The following GALNT16 variants were observed in gnomAD, a reference collection of about 807,000 sequenced individuals.
The protein encoded by GALNT16 is UDP-GalNAc:polypeptide N-acetylgalactosaminyltransferase-like protein 1.
Under a neutral mutation model 76.1 loss-of-function variants are expected in GALNT16, and 40 were observed. The observed-to-expected ratio is 0.53, with a 90% CI of 0.41 to 0.68. GALNT16 has a LOEUF of 0.68. GALNT16 is among the 30% of genes least tolerant of loss of function. The probability of loss-of-function intolerance (pLI) is 0.00; values close to 1 mark genes in which losing one functional copy is unlikely to be tolerated. For missense variants in GALNT16, 621 were observed against 731.9 expected (o/e 0.85, Z 1.75); for synonymous variants, 276 against 285.2 (o/e 0.97, Z 0.32).
At chr14:69,307,589 C>G (rs939055311) in intron 1 of GALNT16, among the ~76,000 whole-genome samples, 1 of 152,130 alleles carries the variant, frequency 6.6e-6, no homozygotes, top group Non-Finnish European at 1.5e-5. Context: ...TCCGCAGCTA[C>G]GGAAACTGCT....
At chr14:69,272,955 C>T (rs1464316244) in intron 1 of GALNT16, among the ~76,000 whole-genome samples, 1 of 152,156 alleles carries the variant, frequency 6.6e-6, no homozygotes, top group Non-Finnish European at 1.5e-5. Context: ...ATGAACTTGC[C>T]TAATGACGCA....
chr14:69,350,421 T>A (rs995711219), intron 14 of GALNT16: 2 of 152,244 alleles, frequency 1.3e-5, no homozygotes, highest in Non-Finnish European at 2.9e-5. Context: ...ATGGCCATAC[T>A]CTCTCCAGCT....
At chr14:69,385,903 A>G in the GALNT16 span, among the ~76,000 whole-genome samples, 1 of 152,026 alleles carries the variant, frequency 6.6e-6, no homozygotes, top group African/African-American at 2.4e-5. Context: ...TGCTCCTCCA[A>G]TCTCCTAAGA....
the GALNT16 span, among the ~76,000 whole-genome samples, chr14:69,375,966 T>C: frequency 6.6e-6 from 1 of 151,564 alleles, no homozygotes; most frequent in Non-Finnish European, 1.5e-5. Context: ...AACTTTTCAG[T>C]CTACCGTCGA....
rs539892009 is a variant in GALNT16, at chr14:69,304,096, A to G, written c.178-16615A>G. 2.0e-5 allele frequency among the ~76,000 whole-genome samples: 3 copies of G among 152,296 alleles called. No individual in the cohort carries two copies. The South Asian group carries it at 6.2e-4, about 32-fold the overall frequency. On this transcript the variant is annotated intron_variant, in intron 1 of 14. Coordinates refer to ENST00000448469, the MANE Select transcript of GALNT16 (RefSeq NM_001168368.2). ...GGGGTGAGGGATCAGCTCACGTTTAATGATGACACTTTAAAATTGTACAAG... is the reference window on the plus strand; with the variant it reads ...GGGGTGAGGGATCAGCTCACGTTTAGTGATGACACTTTAAAATTGTACAAG...
chr14:69,378,217 T>C, the GALNT16 span, among the ~76,000 whole-genome samples: 1 of 152,222 alleles, frequency 6.6e-6, no homozygotes, highest in African/African-American at 2.4e-5. Flanking sequence ...ACTCTTTTTA[T>C]ACTCCTGGGA....
chr14:69,333,299 C>T lies in GALNT16; in HGVS notation c.863+130C>T, dbSNP rs532442793. 20 of 705,146 alleles carry T rather than the reference C, an allele frequency of 2.8e-5. No individual in the cohort carries two copies. Among genetic ancestry groups the T allele is most frequent in the Non-Finnish European group, 4.2e-5 (17 of 407,038 alleles). 43.7% of individuals were successfully genotyped at this position (705,146 alleles called of 1,614,324 possible). ...AAGTGCTGACTCTGTTCTGGGCCTT[C>T]GGACCCTGTATGCAGGGACAGCGAG... On this transcript the variant is annotated intron_variant, in intron 8 of 14. Coordinates refer to ENST00000448469, the MANE Select transcript of GALNT16 (RefSeq NM_001168368.2). This position sits in a 1 kb window ranked among gnomAD's most constrained non-coding sequence, Gnocchi z 4.2.
At chr14:69,342,512 G>GGGAGGGAGGGAA (rs2045505015) in intron 12 of GALNT16, among the ~76,000 whole-genome samples, 1 of 95,838 alleles carries the variant, frequency 1.0e-5, no homozygotes, top group Non-Finnish European at 2.5e-5. Context: ...GAGGGAGGAA[G>GGGAGGGAGGGAA]GAAGGGGAGA....
At chr14:69,326,157 A>G in intron 5 of GALNT16, 130 bp downstream of exon 5, 1 of 735,746 alleles carries the variant, frequency 1.4e-6, no homozygotes, top group Non-Finnish European at 2.4e-6. Context: ...GGCTGAGACC[A>G]GGTTCTGCAG....
intron 1 of GALNT16, among the ~76,000 whole-genome samples, chr14:69,304,287 C>T (rs2140143498): frequency 6.6e-6 from 1 of 152,252 alleles, no homozygotes; most frequent in Non-Finnish European, 1.5e-5. Context: ...TTTCTGCCCT[C>T]TTGACAGAGT....
intron 1 of GALNT16, among the ~76,000 whole-genome samples, chr14:69,272,315 A>T (rs2044416059): frequency 1.3e-5 from 2 of 152,174 alleles, no homozygotes; most frequent in Non-Finnish European, 2.9e-5. Context: ...GTGAGCCAAG[A>T]TCGTGCCACT....
At chr14:69,374,604 A>G in the GALNT16 span, among the ~76,000 whole-genome samples, 1 of 152,250 alleles carries the variant, frequency 6.6e-6, no homozygotes, top group Non-Finnish European at 1.5e-5. Flanking sequence ...CAAGATACTC[A>G]GGTGTGCAAC....
chr14:69,284,182 C>T (rs188419464), intron 1 of GALNT16, among the ~76,000 whole-genome samples: 7 of 152,216 alleles, frequency 4.6e-5, no homozygotes, highest in Admixed American at 2.6e-4. Flanking sequence ...TGCAGTTCCT[C>T]GAGAAAGGGA....
rs1277113035 is a variant in GALNT16, at chr14:69,276,020, G to A, written c.177+15553G>A. ...AAGAGAGAATGAGGAGGAAGCAAAA[G>A]TGGAGACCCCTGATAAAGCCATCAG... is the stretch of plus-strand genomic sequence containing the variant. On this transcript the variant is annotated intron_variant, in intron 1 of 14. Coordinates refer to ENST00000448469, the MANE Select transcript of GALNT16 (RefSeq NM_001168368.2). 3.9e-5 allele frequency among the ~76,000 whole-genome samples: 6 copies of A among 152,204 alleles called. No homozygotes were observed. In the East Asian group the frequency reaches 1.2e-3, roughly 29 times the overall value.
chr14:69,269,400 T>C (rs1302404001), intron 1 of GALNT16, among the ~76,000 whole-genome samples: 1 of 149,752 alleles, frequency 6.7e-6, no homozygotes, highest in African/African-American at 2.5e-5. Flanking sequence ...TGTGGTGTAG[T>C]GTGTGTTGTG....
chr14:69,334,450 G>A (rs1178256850), intron 9 of GALNT16, among the ~76,000 whole-genome samples: 2 of 152,224 alleles, frequency 1.3e-5, no homozygotes, highest in Non-Finnish European at 2.9e-5. Context: ...GTGAGATGGA[G>A]GTTAGATAAA....
At position 69,353,737 on chromosome 14, in the gene GALNT16, C is replaced by G; in HGVS notation, c.*1569C>G. 1 of 152,184 alleles carries G rather than the reference C, an allele frequency of 6.6e-6. No individual in the cohort carries two copies. The highest frequency in any genetic ancestry group is 1.5e-5 in the Non-Finnish European group (1 of 68,030). The allele number at this position is 152,184 out of a possible 1,614,324, so 9.4% of individuals were successfully genotyped here. A position where few individuals can be genotyped will look rare whatever the true frequency, so the allele number is the denominator to read the frequency against. The stretch of plus-strand genomic sequence containing the variant: ...CATGCATTTTCCTGGGGAAAAAGTC[C>G]ATGGCTTCTAAAAGAGGTCCCTGAT... On this transcript the variant is annotated 3_prime_UTR_variant, in exon 15 of 15. Transcript: ENST00000448469.
the GALNT16 span, among the ~76,000 whole-genome samples, chr14:69,381,699 T>C: frequency 6.6e-6 from 1 of 151,936 alleles, no homozygotes; most frequent in East Asian, 1.9e-4. Flanking sequence ...CGACCCCTGC[T>C]TTTTTTTGAG....
Position 69,325,954 on chromosome 14 carries a change from A to G in GALNT16, c.503-8A>G. On this transcript the variant is annotated splice_polypyrimidine_tract_variant and splice_region_variant and intron_variant, in intron 4 of 14. Coordinates refer to ENST00000448469, the MANE Select transcript of GALNT16 (RefSeq NM_001168368.2). ...TAAATGAGCTTGCCTTCCTCTTTGC[A>G]TCCTCAGCGGAAGACTGTCTACTCC... 1 of 1,613,068 alleles carries G rather than the reference A, an allele frequency of 6.2e-7. No homozygotes were observed. The highest frequency in any genetic ancestry group is 8.5e-7 in the Non-Finnish European group (1 of 1,179,060).
Sources: gnomAD v4.1 joint callset for allele counts (sites outside exome capture counted in the v4.1 genomes callset) on GRCh38, gnomAD v4.1.1 for gene constraint, Gnocchi (gnomAD v3.1) non-coding constraint, MANE v1.5 for transcripts, NCBI Gene and HGNC (gene_info 2026-07-23, HGNC 2026-07-21) for gene names.